The following AGAP1 variants were observed in gnomAD, a reference collection of about 807,000 sequenced individuals.
The protein encoded by AGAP1 is arf-GAP with GTPase, ANK repeat and PH domain-containing protein 1.
A neutral mutation model predicts 105.3 loss-of-function variants in AGAP1; 29 were observed. The ratio of observed to expected loss-of-function variants is 0.28; its 90% CI spans 0.21 to 0.38. The LOEUF is 0.38. Ranked by LOEUF, AGAP1 falls within the 10% of genes least tolerant of loss-of-function variation. The probability of loss-of-function intolerance (pLI) is 1.00; values close to 1 mark genes in which losing one functional copy is unlikely to be tolerated. For missense variants in AGAP1, 998 were observed against 1,165.1 expected (o/e 0.86, Z 2.09); for synonymous variants, 509 against 485.9 (o/e 1.05, Z -0.63).
intron 11 of AGAP1, among the ~76,000 whole-genome samples, chr2:235,914,477 G>C (rs2051774470): frequency 6.6e-6 from 1 of 152,070 alleles, no homozygotes. Context: ...GCCATATGGG[G>C]CAATTGAATA....
rs1255445944 is a variant in AGAP1, at chr2:235,739,287, TG to T, written c.311-1675del. Among the ~76,000 whole-genome samples, 9 of 152,256 alleles carry T rather than the reference TG, an allele frequency of 5.9e-5. No homozygotes were observed. The highest frequency in any genetic ancestry group is 1.3e-4 in the Non-Finnish European group (9 of 68,052). On this transcript the variant is annotated intron_variant, in intron 3 of 17. Coordinates refer to ENST00000304032, the MANE Select transcript of AGAP1 (RefSeq NM_001037131.3). The surrounding 1 kb of genome is among the most constrained non-coding windows in gnomAD (Gnocchi z 5.3). ...CGTCACATACGTGGGGACGTCCACCTGTGTCAGATGTTTCCCAGCTTGTTTC... is the reference window on the plus strand; with the variant it reads ...CGTCACATACGTGGGGACGTCCACCTTGTCAGATGTTTCCCAGCTTGTTTC...
chr2:235,552,934 CACAT>C lies in AGAP1; in HGVS notation c.163+58090_163+58093del, dbSNP rs1943859961. 1.3e-5 allele frequency among the ~76,000 whole-genome samples: 2 copies of C among 152,200 alleles called. No homozygotes were observed. The highest frequency in any genetic ancestry group is 2.9e-5 in the Non-Finnish European group (2 of 68,042). On this transcript the variant is annotated intron_variant, in intron 1 of 17. Transcript: ENST00000304032. The surrounding 1 kb of genome is among the most constrained non-coding windows in gnomAD (Gnocchi z 5.9). ...CCTGCCTTGGTCGTAACTTCTCACACACATACATCCACACATGTGCATCTGATTG... is the reference window on the plus strand; with the variant it reads ...CCTGCCTTGGTCGTAACTTCTCACACACATCCACACATGTGCATCTGATTG...
intron 1 of AGAP1, among the ~76,000 whole-genome samples, chr2:235,561,497 G>A (rs1222380942): frequency 1.3e-5 from 2 of 152,142 alleles, no homozygotes; most frequent in African/African-American, 4.8e-5. Flanking sequence ...TCTGGCTGCT[G>A]ACTTGGAGGG....
intron 12 of AGAP1, among the ~76,000 whole-genome samples, chr2:235,955,621 ATTAC>A (rs1373874664): frequency 6.6e-6 from 1 of 152,196 alleles, no homozygotes; most frequent in Admixed American, 6.5e-5. Flanking sequence ...AAAGAATCCT[ATTAC>A]TTATCTTCTA....
intron 1 of AGAP1, among the ~76,000 whole-genome samples, chr2:235,499,343 T>C (rs982165484): frequency 9.2e-5 from 14 of 152,240 alleles, no homozygotes; most frequent in African/African-American, 3.4e-4. Flanking sequence ...GAAGCATTTG[T>C]TTTCATGTGG....
In AGAP1 at chr2:235,549,751, A is replaced by G. The variant is rs565208274; in HGVS notation, c.163+54902A>G. Among the ~76,000 whole-genome samples the G allele has an allele frequency of 7.7e-4, 118 of 152,340 alleles. 1 individual carries two copies. The highest frequency in any genetic ancestry group is 2.8e-3 in the African/African-American group (115 of 41,578). ...GTGCTCTTAGCAGTTCGCGTTCTAT[A>G]TAGAACTGTTTACACCTCTCAGGAT... is the stretch of plus-strand genomic sequence containing the variant. On this transcript the variant is annotated intron_variant, in intron 1 of 17. Transcript: ENST00000304032. This position sits in a 1 kb window ranked among gnomAD's most constrained non-coding sequence, Gnocchi z 4.2.
At chr2:235,870,811 G>A (rs1213333163) in intron 9 of AGAP1, among the ~76,000 whole-genome samples, 1 of 152,152 alleles carries the variant, frequency 6.6e-6, no homozygotes, top group Non-Finnish European at 1.5e-5. Flanking sequence ...CATAAGAACT[G>A]ACCCATGTTT....
At chr2:235,999,304 GGTGA>G (rs1233931692) in intron 13 of AGAP1, among the ~76,000 whole-genome samples, 42 of 131,338 alleles carry the variant, frequency 3.2e-4, no homozygotes, top group African/African-American at 9.5e-4. Context: ...TGGTGGTGAT[GGTGA>G]TGGTGGTGGT....
At position 235,740,720 on chromosome 2, in the gene AGAP1, T is replaced by C. The variant is rs1310295801; in HGVS notation, c.311-243T>C. 6.6e-6 allele frequency among the ~76,000 whole-genome samples: 1 copy of C among 152,220 alleles called. No homozygotes were observed. The highest frequency in any genetic ancestry group is 1.5e-5 in the Non-Finnish European group (1 of 68,034). ...GAAGTCCACACTAATTGGCCACGAG[T>C]GTCTGGCATTGCGAAGGAAGCTGTG... On this transcript the variant is annotated intron_variant, in intron 3 of 17. Transcript: ENST00000304032. The surrounding 1 kb of genome is among the most constrained non-coding windows in gnomAD (Gnocchi z 5.7).
rs1239119129 is a variant in AGAP1 at position 235,906,746 on chromosome 2, C to G, written c.1156-1992C>G. Among the ~76,000 whole-genome samples, 3 of 152,220 alleles carry G rather than the reference C, an allele frequency of 2.0e-5. No individual in the cohort carries two copies. Among genetic ancestry groups the G allele is most frequent in the Admixed American group, 2.0e-4 (3 of 15,282 alleles). On this transcript the variant is annotated intron_variant, in intron 10 of 17. Transcript: ENST00000304032. The surrounding 1 kb of genome is among the most constrained non-coding windows in gnomAD (Gnocchi z 5.3). ...CCTCTGCCCTGAGGACCCACAGTTT[C>G]ATTCCTTTCCCCTGAACTGGAATTG... is the stretch of plus-strand genomic sequence containing the variant.
chr2:235,694,891 G>A (rs1441783169), intron 1 of AGAP1, among the ~76,000 whole-genome samples: 4 of 152,176 alleles, frequency 2.6e-5, no homozygotes, highest in African/African-American at 7.2e-5. Context: ...AGGATGCATG[G>A]GGGGTTCCGG....
chr2:235,629,863 C>CAAAAAAAAAAAA (rs10691632), intron 1 of AGAP1, among the ~76,000 whole-genome samples: 5 of 95,634 alleles, frequency 5.2e-5, no homozygotes, highest in Non-Finnish European at 8.1e-5. Context: ...GACCCTGTCT[C>CAAAAAAAAAAAA]AAAAAAAAAA....
intron 1 of AGAP1, among the ~76,000 whole-genome samples, chr2:235,703,305 T>C (rs921525082): frequency 6.6e-6 from 1 of 152,156 alleles, no homozygotes; most frequent in African/African-American, 2.4e-5. Flanking sequence ...GGCTCACTTG[T>C]GCCTCCAGCG....
At position 235,754,682 on chromosome 2, in the gene AGAP1, G is replaced by A. The variant is rs1006204010; in HGVS notation, c.673+4194G>A. On this transcript the variant is annotated intron_variant, in intron 6 of 17. Transcript: ENST00000304032. This position sits in a 1 kb window ranked among gnomAD's most constrained non-coding sequence, Gnocchi z 4.6. ...AGATGGCTACTGGCAAGTGGCTGTAGGTGTTGGGAAGCAGCCTAGCAGGCT... is the reference window on the plus strand; with the variant it reads ...AGATGGCTACTGGCAAGTGGCTGTAAGTGTTGGGAAGCAGCCTAGCAGGCT... 2.6e-5 allele frequency among the ~76,000 whole-genome samples: 4 copies of A among 152,242 alleles called. No individual in the cohort carries two copies. Among genetic ancestry groups the A allele is most frequent in the Non-Finnish European group, 5.9e-5 (4 of 68,040 alleles).
chr2:235,758,310 A>G (rs1157856063), intron 6 of AGAP1, among the ~76,000 whole-genome samples: 1 of 152,204 alleles, frequency 6.6e-6, no homozygotes, highest in Non-Finnish European at 1.5e-5. Flanking sequence ...TGTAGTAATG[A>G]CTAATAATTA....
intron 1 of AGAP1, among the ~76,000 whole-genome samples, chr2:235,628,624 CT>C (rs530322049): frequency 3.6e-4 from 54 of 149,028 alleles, no homozygotes; most frequent in East Asian, 7.9e-4. Flanking sequence ...TTGCCCACCT[CT>C]TTTTTTTTTC....
At position 235,994,052 on chromosome 2, in the gene AGAP1, C is replaced by A. The variant is rs1274818287; in HGVS notation, c.1645+25429C>A. 6.6e-6 allele frequency among the ~76,000 whole-genome samples: 1 copy of A among 152,244 alleles called. No homozygotes were observed. Among genetic ancestry groups the A allele is most frequent in the Non-Finnish European group, 1.5e-5 (1 of 68,022 alleles). On this transcript the variant is annotated intron_variant, in intron 13 of 17. Transcript: ENST00000304032. The surrounding 1 kb of genome is among the most constrained non-coding windows in gnomAD (Gnocchi z 4.4). ...CCACAGGATGGCTGTAGCACAGACACCTTCCCCTGGGACCCCCATTGGCTG... is the reference window on the plus strand; with the variant it reads ...CCACAGGATGGCTGTAGCACAGACAACTTCCCCTGGGACCCCCATTGGCTG...
chr2:236,086,078 T>C (rs191359768), intron 16 of AGAP1, among the ~76,000 whole-genome samples: 8 of 152,342 alleles, frequency 5.3e-5, no homozygotes, highest in Admixed American at 1.3e-4. Context: ...CTTTTCCTAC[T>C]GCCCTTTTCC....
Position 235,930,699 on chromosome 2 carries a change from C to A in AGAP1, c.1325-66C>A, listed in dbSNP as rs2052679920. Reference sequence around the variant, plus strand: ...TGTGCCAGCGTGTGGGTCCCATAGACTAACTCGCGCTGGTTTCTGTGGTCT... The same window carrying A: ...TGTGCCAGCGTGTGGGTCCCATAGAATAACTCGCGCTGGTTTCTGTGGTCT... On this transcript the variant is annotated intron_variant, in intron 11 of 17. Coordinates refer to ENST00000304032, the MANE Select transcript of AGAP1 (RefSeq NM_001037131.3). This position sits in a 1 kb window ranked among gnomAD's most constrained non-coding sequence, Gnocchi z 7.9. 6.5e-7 allele frequency: 1 copy of A among 1,529,076 alleles called. No individual in the cohort carries two copies. Among genetic ancestry groups the A allele is most frequent in the Non-Finnish European group, 8.9e-7 (1 of 1,127,834 alleles). The allele number at this position is 1,529,076 out of a possible 1,614,324, so 94.7% of individuals were successfully genotyped here.
Sources: allele counts gnomAD v4.1 joint callset (sites outside exome capture counted in the v4.1 genomes callset), GRCh38; gene constraint gnomAD v4.1.1; non-coding constraint Gnocchi (gnomAD v3.1); transcripts MANE v1.5; gene names NCBI Gene and HGNC (gene_info 2026-07-23, HGNC 2026-07-21).